The following NAV2 variants were observed in gnomAD, a reference collection of about 807,000 sequenced individuals.
The protein encoded by NAV2 is helicase, APC down-regulated 1.
Under a neutral mutation model 223.2 loss-of-function variants are expected in NAV2, and 54 were observed. The ratio of observed to expected loss-of-function variants is 0.24; its 90% confidence interval spans 0.19 to 0.30. NAV2 has a LOEUF of 0.30. Ranked by LOEUF, NAV2 falls within the 10% of genes least tolerant of loss-of-function variation. The probability of loss-of-function intolerance (pLI) is 1.00; values close to 1 mark genes in which losing one functional copy is unlikely to be tolerated. For synonymous variants in NAV2, 1,279 were observed against 1,239.3 expected, an observed-to-expected ratio of 1.03 and a Z score of -0.67; for missense variants, 2,806 against 3,147.5, an observed-to-expected ratio of 0.89 and a Z score of 2.60.
At chr11:19,572,536 A>C (rs1208819274) in intron 1 of NAV2, among the ~76,000 whole-genome samples, 1 of 152,236 alleles carries the variant, frequency 6.6e-6, no homozygotes. Context: ...TTGGGGAAAC[A>C]GCATGGCTTT....
At chr11:19,521,847 C>T (rs965756061) in intron 1 of NAV2, among the ~76,000 whole-genome samples, 1 of 152,192 alleles carries the variant, frequency 6.6e-6, no homozygotes, top group East Asian at 1.9e-4. Context: ...TGGACCCTTC[C>T]TTTCTCTTTG....
intron 1 of NAV2, among the ~76,000 whole-genome samples, chr11:19,662,145 A>G (rs2048300623): frequency 6.6e-6 from 1 of 152,244 alleles, no homozygotes; most frequent in Non-Finnish European, 1.5e-5. Flanking sequence ...GAAGAGGAAG[A>G]TCATCTTCTG....
rs372289018 is a variant in NAV2, at chr11:19,955,188, T to C, written c.2645+6108T>C. On this transcript the variant is annotated intron_variant, in intron 10 of 37. Coordinates refer to ENST00000349880, the MANE Select transcript of NAV2 (RefSeq NM_145117.5). ...TTGGGAGGCTGAGATGGGGGGATCA[T>C]TTGAGCCTAGGAGTTCAAGACCAGC... Among the ~76,000 whole-genome samples the C allele has an allele frequency of 4.6e-5, 7 of 152,028 alleles. No individual in the cohort carries two copies. The South Asian group carries it at 6.2e-4, about 14-fold the overall frequency.
intron 1 of NAV2, among the ~76,000 whole-genome samples, chr11:19,378,143 C>T (rs1009174698): frequency 3.3e-5 from 5 of 152,160 alleles, no homozygotes; most frequent in African/African-American, 9.7e-5. Context: ...TGAAGTGATG[C>T]GTACCGCAAA....
chr11:20,001,254 T>G (rs909692037), intron 11 of NAV2, among the ~76,000 whole-genome samples: 1 of 152,328 alleles, frequency 6.6e-6, no homozygotes, highest in South Asian at 2.1e-4. Context: ...TCTAGGCATC[T>G]CAGGCCTAGT....
At chr11:19,975,807 T>A (rs1187906281) in intron 10 of NAV2, among the ~76,000 whole-genome samples, 1 of 152,224 alleles carries the variant, frequency 6.6e-6, no homozygotes, top group African/African-American at 2.4e-5. Flanking sequence ...ACTTCTGCCC[T>A]GTTTTAGCAA....
intron 10 of NAV2, among the ~76,000 whole-genome samples, chr11:19,971,568 A>G (rs1032070500): frequency 6.6e-6 from 1 of 152,110 alleles, no homozygotes. Flanking sequence ...ATCATATGCA[A>G]CTTTTGTGGA....
At chr11:20,113,199 C>T (rs2062783770) in intron 36 of NAV2, among the ~76,000 whole-genome samples, 1 of 152,224 alleles carries the variant, frequency 6.6e-6, no homozygotes, top group Admixed American at 6.5e-5. Context: ...CCTATTTCCT[C>T]ATCTGTAAAT....
intron 1 of NAV2, among the ~76,000 whole-genome samples, chr11:19,794,721 G>A (rs2057776169): frequency 6.6e-6 from 1 of 152,098 alleles, no homozygotes; most frequent in African/African-American, 2.4e-5. Context: ...AGTGCCAGTA[G>A]CATTTTTATG....
chr11:19,812,764 T>C (rs935381910), intron 1 of NAV2, among the ~76,000 whole-genome samples: 3 of 152,106 alleles, frequency 2.0e-5, no homozygotes, highest in Admixed American at 1.3e-4. Flanking sequence ...GTGGGATTTG[T>C]CTGCGATCAT....
chr11:19,976,555 G>C (rs1312895579), intron 10 of NAV2, among the ~76,000 whole-genome samples: 1 of 152,196 alleles, frequency 6.6e-6, no homozygotes, highest in Non-Finnish European at 1.5e-5. Context: ...TGCTAGATCT[G>C]AGCCCTTGTT....
In NAV2 at chr11:20,016,207, G is replaced by A. The variant is rs79138971; in HGVS notation, c.2769-19752G>A. 4.2e-3 allele frequency among the ~76,000 whole-genome samples: 633 copies of A among 152,264 alleles called. 2 individuals carry two copies. The highest frequency in any genetic ancestry group is 0.015 in the African/African-American group (616 of 41,560). On this transcript the variant is annotated intron_variant, in intron 11 of 37. Transcript: ENST00000349880. ...CATTTTGGAGTTGATATAGCCGATTGGCACCCTTCCAGAAAAGACATCCCT... is the reference window on the plus strand; with the variant it reads ...CATTTTGGAGTTGATATAGCCGATTAGCACCCTTCCAGAAAAGACATCCCT...
intron 1 of NAV2, among the ~76,000 whole-genome samples, chr11:19,561,100 C>A (rs893207775): frequency 6.6e-6 from 1 of 152,224 alleles, no homozygotes; most frequent in Non-Finnish European, 1.5e-5. Context: ...ATGACCTCAA[C>A]CATCCCTTCC....
chr11:19,467,295 T>G (rs1036620954), intron 1 of NAV2, among the ~76,000 whole-genome samples: 18 of 152,242 alleles, frequency 1.2e-4, no homozygotes, highest in Admixed American at 1.3e-4. Context: ...ATTTAACAAA[T>G]CTATTGACTA....
intron 28 of NAV2, 81 bp downstream of exon 28, chr11:20,092,449 C>A: frequency 7.2e-7 from 1 of 1,395,654 alleles, no homozygotes; most frequent in Non-Finnish European, 9.9e-7. Context: ...CCAAAATAAG[C>A]AGATCAACAG....
At chr11:19,586,627 A>T (rs1317132444) in intron 1 of NAV2, among the ~76,000 whole-genome samples, 1 of 152,022 alleles carries the variant, frequency 6.6e-6, no homozygotes, top group African/African-American at 2.4e-5. Flanking sequence ...GGTCTGTTGG[A>T]GTTTGCTGGA....
intron 1 of NAV2, among the ~76,000 whole-genome samples, chr11:19,819,461 C>T (rs1199648113): frequency 6.6e-6 from 1 of 152,130 alleles, no homozygotes; most frequent in Non-Finnish European, 1.5e-5. Flanking sequence ...TCTCTGAACT[C>T]CCAGTTCACA....
chr11:19,710,979 G>A (rs886202372), upstream of NAV2: 1 of 152,206 alleles, frequency 6.6e-6, no homozygotes, highest in African/African-American at 2.4e-5. Context: ...ATGAATGCAT[G>A]AAACAATAAA....
rs566118807 is a variant in NAV2, at chr11:19,567,220, CTG to C, written c.75+216196_75+216197del. ...TGCAACTGGTTCTTTTCACTTTTGACTGTGGACTTCTTGCAGCCAAAGAAAGA... is the reference window on the plus strand; with the variant it reads ...TGCAACTGGTTCTTTTCACTTTTGACTGGACTTCTTGCAGCCAAAGAAAGA... On this transcript the variant is annotated intron_variant, in intron 1 of 37. Coordinates refer to the NAV2 transcript ENST00000360655. Among the ~76,000 whole-genome samples, 170 of 152,276 alleles carry C rather than the reference CTG, an allele frequency of 1.1e-3. 1 individual carries two copies. Among genetic ancestry groups the C allele is most frequent in the Non-Finnish European group, 2.0e-3 (134 of 68,022 alleles).
Sources: gnomAD v4.1 joint callset for allele counts (sites outside exome capture counted in the v4.1 genomes callset) on GRCh38, gnomAD v4.1.1 for gene constraint, MANE v1.5 for transcripts, NCBI Gene and HGNC (gene_info 2026-07-23, HGNC 2026-07-21) for gene names.